The following WSCD2 variants were observed in gnomAD, a reference collection of about 807,000 sequenced individuals.
The protein encoded by WSCD2 is WSC domain sialate O sulfotransferase 2.
In WSCD2, 28 loss-of-function variants were observed where a neutral mutation model predicts 55.7. The observed-to-expected ratio is 0.50, with a 90% CI of 0.37 to 0.69. The LOEUF is 0.69. WSCD2 is among the 30% of genes least tolerant of loss of function. WSCD2 has a pLI of 0.00. For synonymous variants in WSCD2, 301 were observed against 301.9 expected (o/e 1.00, Z 0.03); for missense variants, 616 against 762.1 (o/e 0.81, Z 2.26).
At position 108,182,702 on chromosome 12, in the gene WSCD2, AAGATAAGGTG is replaced by A. The variant is rs1394953945; in HGVS notation, c.-551-12578_-551-12569del. ...CTCTCAGTAAATCAGCACTTTACATAAGATAAGGTGAACATCAAGTAGCTACCTGTGGAGA... is the reference window on the plus strand; with the variant it reads ...CTCTCAGTAAATCAGCACTTTACATAAACATCAAGTAGCTACCTGTGGAGA... On this transcript the variant is annotated intron_variant, in intron 1 of 8. Transcript: ENST00000547525. 5.3e-5 allele frequency among the ~76,000 whole-genome samples: 8 copies of A among 152,364 alleles called. No individual in the cohort carries two copies. In the East Asian group the frequency reaches 1.4e-3, roughly 26 times the overall value.
chr12:108,216,110 C>A (rs948461603), intron 4 of WSCD2, among the ~76,000 whole-genome samples: 5 of 152,134 alleles, frequency 3.3e-5, no homozygotes, highest in Non-Finnish European at 7.4e-5. Context: ...TAAAATTGAG[C>A]AGATCTTCTT....
chr12:108,205,390 C>T (rs976426321), intron 2 of WSCD2, among the ~76,000 whole-genome samples: 2 of 151,842 alleles, frequency 1.3e-5, no homozygotes, highest in Non-Finnish European at 2.9e-5. Flanking sequence ...AAGTGAATGT[C>T]CAAATAATAA....
At chr12:108,191,472 C>T (rs999621115) in intron 1 of WSCD2, among the ~76,000 whole-genome samples, 6 of 152,054 alleles carry the variant, frequency 3.9e-5, no homozygotes, top group South Asian at 4.2e-4. Context: ...TTGGCTCAGC[C>T]GAATCCTGGA....
chr12:108,247,088 A>G (rs1432922439), intron 8 of WSCD2, among the ~76,000 whole-genome samples: 1 of 152,132 alleles, frequency 6.6e-6, no homozygotes, highest in Admixed American at 6.6e-5. Flanking sequence ...ACACAGAAAA[A>G]CTTAGTACTT....
At chr12:108,223,617 G>A (rs1334245873) in intron 4 of WSCD2, among the ~76,000 whole-genome samples, 1 of 152,114 alleles carries the variant, frequency 6.6e-6, no homozygotes, top group South Asian at 2.1e-4. Flanking sequence ...GTGCACATCT[G>A]TACTGGATGC....
In WSCD2 at chr12:108,210,457, C is replaced by G. The variant is rs1886009834; in HGVS notation, c.682+152C>G. The stretch of plus-strand genomic sequence containing the variant: ...CTGCCCCTGCCTCACCTCTCCCACT[C>G]CCTCACAGAGCCCTTTGCCCCAGCT... On this transcript the variant is annotated intron_variant, in intron 4 of 8. Coordinates refer to ENST00000547525, the MANE Select transcript of WSCD2 (RefSeq NM_014653.4). This position sits in a 1 kb window ranked among gnomAD's most constrained non-coding sequence, Gnocchi z 4.3. The G allele has an allele frequency of 2.0e-6, 2 of 1,022,142 alleles. No homozygotes were observed. Among genetic ancestry groups the G allele is most frequent in the Non-Finnish European group, 2.8e-6 (2 of 719,722 alleles). The allele number at this position is 1,022,142 out of a possible 1,614,324, so 63.3% of individuals were successfully genotyped here. A position where few individuals can be genotyped will look rare whatever the true frequency, so the allele number is the denominator to read the frequency against.
chr12:108,145,069 C>T (rs1489717339), intron 1 of WSCD2, among the ~76,000 whole-genome samples: 1 of 152,244 alleles, frequency 6.6e-6, no homozygotes, highest in Non-Finnish European at 1.5e-5. Context: ...CTCTGCTACT[C>T]ACTTACTATG....
intron 1 of WSCD2, among the ~76,000 whole-genome samples, chr12:108,168,038 A>G (rs1408744126): frequency 6.6e-6 from 1 of 152,234 alleles, no homozygotes; most frequent in East Asian, 1.9e-4. Context: ...AAACTCAGCA[A>G]TGGAGCAGGA....
chr12:108,158,357 T>C (rs1878728891), intron 1 of WSCD2, among the ~76,000 whole-genome samples: 1 of 151,416 alleles, frequency 6.6e-6, no homozygotes, highest in African/African-American at 2.4e-5. Context: ...TTAACTTGGC[T>C]ACAAGGTTTC....
intron 1 of WSCD2, among the ~76,000 whole-genome samples, chr12:108,192,912 C>T (rs1469022135): frequency 1.3e-5 from 2 of 151,972 alleles, no homozygotes; most frequent in Non-Finnish European, 2.9e-5. Context: ...AAGCCAAATT[C>T]TGGGAGCTTA....
rs900666505 is a variant in WSCD2, at chr12:108,164,162, T to C, written c.-551-31120T>C. The stretch of plus-strand genomic sequence containing the variant: ...TCCTTTTTTTTTTTTTTTTTTTTTT[T>C]CAGAGAGGGGGATGTTTGAAAACGT... On this transcript the variant is annotated intron_variant, in intron 1 of 8. Transcript: ENST00000547525. Among the ~76,000 whole-genome samples the C allele has an allele frequency of 3.7e-4, 53 of 144,652 alleles. 3 individuals are homozygous for C. Among genetic ancestry groups the C allele is most frequent in the Non-Finnish European group, 6.8e-4 (45 of 66,032 alleles). 94.9% of individuals were successfully genotyped at this position (144,652 alleles called of 152,430 possible). A position where few individuals can be genotyped will look rare whatever the true frequency, so the allele number is the denominator to read the frequency against.
At position 108,180,055 on chromosome 12, in the gene WSCD2, A is replaced by C. The variant is rs549460579; in HGVS notation, c.-551-15227A>C. On this transcript the variant is annotated intron_variant, in intron 1 of 8. Coordinates refer to ENST00000547525, the MANE Select transcript of WSCD2 (RefSeq NM_014653.4). ...AAGACTCCATCTCAAAAAAACAAAA[A>C]AAAAAAAAAAAAGAAAAAGAAAAGA... Among the ~76,000 whole-genome samples, 414 of 151,370 alleles carry C rather than the reference A, an allele frequency of 2.7e-3. 3 individuals carry two copies. The highest frequency in any genetic ancestry group is 9.3e-3 in the African/African-American group (385 of 41,346).
At chr12:108,204,879 C>T (rs1593016724) in intron 2 of WSCD2, among the ~76,000 whole-genome samples, 1 of 152,240 alleles carries the variant, frequency 6.6e-6, no homozygotes, top group South Asian at 2.1e-4. Context: ...AGGAAAGAAG[C>T]TCAGTTTAAA....
rs578140333 is a variant in WSCD2 at position 108,141,898 on chromosome 12, G to T, written c.-552+11972G>T. Among the ~76,000 whole-genome samples the T allele has an allele frequency of 2.4e-4, 37 of 152,230 alleles. No homozygotes were observed. The South Asian group carries it at 5.2e-3, about 21-fold the overall frequency. On this transcript the variant is annotated intron_variant, in intron 1 of 8. Transcript: ENST00000547525. ...CCTGGCCAGAGCAAGAAGAAGAAAG[G>T]CCTCCAAGCTGTCCCCGTCAACTTG...
At chr12:108,201,475 A>G (rs532754880) in intron 2 of WSCD2, among the ~76,000 whole-genome samples, 1 of 133,212 alleles carries the variant, frequency 7.5e-6, no homozygotes, top group Non-Finnish European at 1.6e-5. Context: ...ATTCTAAGGA[A>G]TTGGAAGTCA....
chr12:108,189,607 A>G (rs966014914), intron 1 of WSCD2: 3 of 152,226 alleles, frequency 2.0e-5, no homozygotes, highest in African/African-American at 7.2e-5. Context: ...TGACAACATT[A>G]AGTGTTGGTG....
At chr12:108,166,779 T>G (rs866712882) in intron 1 of WSCD2, among the ~76,000 whole-genome samples, 2 of 148,640 alleles carry the variant, frequency 1.3e-5, no homozygotes, top group Admixed American at 6.7e-5. Context: ...CTTTCTTTCT[T>G]TCTTTCTTTC....
Position 108,129,755 on chromosome 12 carries a change from C to T in WSCD2, c.-723C>T, listed in dbSNP as rs1875286188. On this transcript the variant is annotated 5_prime_UTR_variant, in exon 1 of 9. Coordinates refer to ENST00000547525, the MANE Select transcript of WSCD2 (RefSeq NM_014653.4). ...TAGCCCCAGGGCCCGGCAGGAGGAG[C>T]CTTGGTGGCGAGAAAGGAAATCCAG... 6.6e-6 allele frequency: 1 copy of T among 152,292 alleles called. No individual in the cohort carries two copies. The highest frequency in any genetic ancestry group is 6.5e-5 in the Admixed American group (1 of 15,286). The allele number at this position is 152,292 out of a possible 1,614,324, so 9.4% of individuals were successfully genotyped here.
chr12:108,141,297 C>T (rs1213497308), intron 1 of WSCD2, among the ~76,000 whole-genome samples: 1 of 152,118 alleles, frequency 6.6e-6, no homozygotes, highest in Non-Finnish European at 1.5e-5. Flanking sequence ...GATAGAGTCT[C>T]ACTATATTGC....
Sources: allele counts gnomAD v4.1 joint callset (sites outside exome capture counted in the v4.1 genomes callset), GRCh38; gene constraint gnomAD v4.1.1; non-coding constraint Gnocchi (gnomAD v3.1); transcripts MANE v1.5; gene names NCBI Gene and HGNC (gene_info 2026-07-23, HGNC 2026-07-21).